The following DMD variants were observed in gnomAD, a reference collection of about 807,000 sequenced individuals.
The protein encoded by DMD is mutant dystrophin.
DMD carries 63 observed loss-of-function variants against 330.1 expected under a neutral mutation model. The ratio of observed to expected loss-of-function variants is 0.19; its 90% CI spans 0.16 to 0.24. DMD has a LOEUF of 0.24. Among genes scored for constraint, DMD ranks in the 10% least tolerant of loss-of-function variants. The pLI, the probability that DMD is intolerant of heterozygous loss-of-function variation, is 1.00. For missense variants in DMD, 3,344 were observed against 2,684.1 expected (o/e 1.25, Z -5.43); for synonymous variants, 1,223 against 959.8 (o/e 1.27, Z -5.07).
At chrX:31,472,497 G>A (rs1386135995) in intron 59 of DMD, among the ~76,000 whole-genome samples, 1 of 112,208 alleles carries the variant, frequency 8.9e-6, no homozygotes, top group Non-Finnish European at 1.9e-5. Context: ...TTGCCAAAGT[G>A]AAGATGAAAT....
chrX:32,287,476 C>A (rs1232193764), intron 43 of DMD, 53 bp downstream of exon 43: 2 of 1,127,299 alleles, frequency 1.8e-6, no homozygotes, highest in Non-Finnish European at 2.4e-6. Context: ...TCTACAGTTC[C>A]CTGAAAACAA....
intron 2 of DMD, among the ~76,000 whole-genome samples, chrX:33,010,143 T>C (rs2093658487): frequency 9.6e-6 from 1 of 103,713 alleles, no homozygotes; most frequent in Non-Finnish European, 2.0e-5. Context: ...TATATATACG[T>C]GTATATATAC....
intron 11 of DMD, among the ~76,000 whole-genome samples, chrX:32,643,146 C>G (rs1266308951): frequency 1.8e-5 from 2 of 111,054 alleles, no homozygotes; most frequent in Non-Finnish European, 3.8e-5. Context: ...CGAATAATAT[C>G]AATATGCATA....
At chrX:33,234,011 G>C (rs1356057745) in intron 1 of DMD, among the ~76,000 whole-genome samples, 3 of 111,169 alleles carry the variant, frequency 2.7e-5, no homozygotes, top group African/African-American at 6.5e-5. Context: ...CTTTTAAAAA[G>C]TTTCTCAAGC....
intron 9 of DMD, among the ~76,000 whole-genome samples, chrX:32,648,097 TGATA>T (rs1480010870): frequency 1.8e-5 from 2 of 111,968 alleles, no homozygotes; most frequent in African/African-American, 6.5e-5. Flanking sequence ...TATGATTTAT[TGATA>T]TTTACACAGG....
chrX:33,336,789 A>G (rs1445702077), intron 1 of DMD, among the ~76,000 whole-genome samples: 1 of 111,527 alleles, frequency 9.0e-6, no homozygotes, highest in East Asian at 2.8e-4. Flanking sequence ...AGCACTTCAG[A>G]AGACACAGGA....
intron 62 of DMD, among the ~76,000 whole-genome samples, chrX:31,271,838 T>A (rs1305244921): frequency 9.3e-6 from 1 of 107,070 alleles, no homozygotes; most frequent in Non-Finnish European, 1.9e-5. Context: ...GTATGGTGAA[T>A]CATTGCTGGT....
intron 22 of DMD, among the ~76,000 whole-genome samples, chrX:32,471,226 C>T (rs1287971924): frequency 1.8e-5 from 2 of 111,306 alleles, no homozygotes; most frequent in African/African-American, 6.5e-5. Context: ...TGCAGTGAGC[C>T]GAGATAGCAC....
At chrX:33,101,095 G>A (rs2095233511) in intron 1 of DMD, among the ~76,000 whole-genome samples, 1 of 112,058 alleles carries the variant, frequency 8.9e-6, no homozygotes, top group South Asian at 3.7e-4. Flanking sequence ...AAGATACTTT[G>A]TTGGCAATCG....
chrX:33,136,078 G>C (rs1469106657), intron 1 of DMD, among the ~76,000 whole-genome samples: 2 of 110,637 alleles, frequency 1.8e-5, no homozygotes, highest in African/African-American at 6.6e-5. Context: ...ACTTTGGAAG[G>C]CCAAGGCCAG....
intron 2 of DMD, among the ~76,000 whole-genome samples, chrX:32,898,106 G>A (rs1318217166): frequency 5.4e-5 from 6 of 111,883 alleles, no homozygotes; most frequent in Admixed American, 1.9e-4. Flanking sequence ...GCTATGGACC[G>A]TGTTCTGATG....
At chrX:33,165,718 CAG>C (rs1190701450) in intron 1 of DMD, among the ~76,000 whole-genome samples, 1 of 111,161 alleles carries the variant, frequency 9.0e-6, no homozygotes, top group Non-Finnish European at 1.9e-5. Context: ...TTTATACAAA[CAG>C]AATAAAAGAA....
intron 1 of DMD, among the ~76,000 whole-genome samples, chrX:33,238,262 C>G (rs2052522948): frequency 8.9e-6 from 1 of 111,802 alleles, no homozygotes; most frequent in South Asian, 3.7e-4. Flanking sequence ...GAAGACCTCC[C>G]TCTCTTAGCT....
intron 9 of DMD, among the ~76,000 whole-genome samples, chrX:32,652,271 T>A (rs1192826912): frequency 1.0e-5 from 1 of 96,821 alleles, no homozygotes; most frequent in East Asian, 3.6e-4. Context: ...TATCTCCTAA[T>A]ACTATCCCTC....
chrX:32,188,428 T>C (rs1249368563), intron 44 of DMD, among the ~76,000 whole-genome samples: 3 of 103,723 alleles, frequency 2.9e-5, no homozygotes, highest in Admixed American at 1.1e-4. Flanking sequence ...TGAATTTATA[T>C]TTCTAGTTAG....
chrX:32,564,464 A>G (rs3792533), intron 16 of DMD, among the ~76,000 whole-genome samples: 48,541 of 110,397 alleles, frequency 0.44, 10,125 homozygotes, highest in African/African-American at 0.82. Flanking sequence ...TTACATAAAT[A>G]CCAATGTATT....
At chrX:33,063,161 T>G (rs759372944) in intron 1 of DMD, among the ~76,000 whole-genome samples, 6 of 111,939 alleles carry the variant, frequency 5.4e-5, no homozygotes, top group Admixed American at 3.8e-4. Context: ...AATTTGAGTT[T>G]TAAAAAATTA....
intron 7 of DMD, among the ~76,000 whole-genome samples, chrX:32,787,487 T>C (rs1603420726): frequency 9.1e-6 from 1 of 110,055 alleles, no homozygotes; most frequent in Admixed American, 9.8e-5. Context: ...AGATCCCCCT[T>C]TTCCACGGGG....
At chrX:32,347,980 T>A (rs1333837740) in intron 38 of DMD, among the ~76,000 whole-genome samples, 1 of 112,015 alleles carries the variant, frequency 8.9e-6, no homozygotes, top group Non-Finnish European at 1.9e-5. Flanking sequence ...GAAATTGTAA[T>A]AAATAATGTT....
Sources: allele counts gnomAD v4.1 joint callset (sites outside exome capture counted in the v4.1 genomes callset), GRCh38; gene constraint gnomAD v4.1.1; transcripts MANE v1.5; gene names NCBI Gene and HGNC (gene_info 2026-07-23, HGNC 2026-07-21).